The following UTRN variants were observed in gnomAD, a reference collection of about 807,000 sequenced individuals.
UTRN encodes the protein dystrophin-related protein 1.
A neutral mutation model predicts 463.9 loss-of-function variants in UTRN; 283 were observed. The ratio of observed to expected loss-of-function variants is 0.61; its 90% CI spans 0.55 to 0.67. UTRN has a LOEUF of 0.67. Among genes scored for constraint, UTRN ranks in the 30% least tolerant of loss-of-function variants. UTRN has a pLI of 0.00. For synonymous variants in UTRN, 1,442 were observed against 1,431.5 expected (o/e 1.01, Z -0.17); for missense variants, 3,922 against 4,084.3 (o/e 0.96, Z 1.08).
intron 61 of UTRN, among the ~76,000 whole-genome samples, chr6:144,787,970 A>G (rs1032474946): frequency 4.1e-4 from 62 of 152,284 alleles, no homozygotes; most frequent in African/African-American, 1.4e-3. Context: ...ATAATATCTT[A>G]TTAATTTTTG....
At chr6:144,836,178 G>A (rs2128760498) in intron 70 of UTRN, 123 bp from the exon 71 acceptor site, 5 of 1,437,296 alleles carry the variant, frequency 3.5e-6, no homozygotes, top group Non-Finnish European at 4.6e-6. Flanking sequence ...TGCTCATCCT[G>A]CTATTAATAC....
At chr6:144,684,976 T>C (rs746847395) in intron 52 of UTRN, among the ~76,000 whole-genome samples, 27 of 152,236 alleles carry the variant, frequency 1.8e-4, no homozygotes, top group Admixed American at 6.5e-5. Context: ...ACTTGAGTAC[T>C]GTACATTGTA....
intron 65 of UTRN, among the ~76,000 whole-genome samples, chr6:144,814,912 T>C (rs1778944880): frequency 6.6e-6 from 1 of 152,204 alleles, no homozygotes; most frequent in African/African-American, 2.4e-5. Context: ...GAAATTTGAA[T>C]TGGAATCATC....
At chr6:144,425,329 G>T (rs182356295) in intron 6 of UTRN, among the ~76,000 whole-genome samples, 2 of 152,088 alleles carry the variant, frequency 1.3e-5, no homozygotes, top group Admixed American at 1.3e-4. Context: ...TCTTTTTCTG[G>T]CAGTGTTAAC....
intron 2 of UTRN, among the ~76,000 whole-genome samples, chr6:144,395,878 A>G (rs1267000725): frequency 1.3e-5 from 2 of 152,158 alleles, no homozygotes; most frequent in Non-Finnish European, 2.9e-5. Flanking sequence ...AAAGGAAAAT[A>G]ACAAATATTA....
intron 69 of UTRN, among the ~76,000 whole-genome samples, chr6:144,832,910 C>T (rs1221801916): frequency 6.6e-6 from 1 of 152,068 alleles, no homozygotes; most frequent in African/African-American, 2.4e-5. Context: ...ACCTTGGCTT[C>T]CCGGGTTCAA....
At chr6:144,798,461 G>A (rs1394113590) in intron 64 of UTRN, among the ~76,000 whole-genome samples, 1 of 152,156 alleles carries the variant, frequency 6.6e-6, no homozygotes, top group Non-Finnish European at 1.5e-5. Flanking sequence ...TTCTTCCCAT[G>A]AGGAGCACTG....
At position 144,548,710 on chromosome 6, in the gene UTRN, T is replaced by G. The variant is rs1174636732; in HGVS notation, c.6666T>G (p.Thr2222=). 16 of 1,613,960 alleles carry G rather than the reference T, an allele frequency of 9.9e-6. No individual in the cohort carries two copies. Among genetic ancestry groups the G allele is most frequent in the Non-Finnish European group, 1.1e-5 (13 of 1,179,980 alleles). Residue 2222 remains threonine, a synonymous_variant, in exon 47 of 75, where the codon ACT becomes ACG. Coordinates refer to ENST00000367545, the MANE Select transcript of UTRN (RefSeq NM_007124.3). ...ATATTCCTGTTCAGTCTCATCGTAC[T>G]TCGGAAATTTCAATTCCTGCTGATC... is the stretch of plus-strand genomic sequence containing the variant. ...ASDIPVQSHR[T]SEISIPADLD...
chr6:144,446,560 T>A lies in UTRN; in HGVS notation c.1615-651T>A, dbSNP rs185016119. Among the ~76,000 whole-genome samples the A allele has an allele frequency of 3.1e-3, 473 of 152,370 alleles. 9 individuals carry two copies. The highest frequency in any genetic ancestry group is 0.023 in the Admixed American group (345 of 15,306). On this transcript the variant is annotated intron_variant, in intron 14 of 74. Coordinates refer to ENST00000367545, the MANE Select transcript of UTRN (RefSeq NM_007124.3). ...TGTAGCTACGGTTGTTTTCCATCCC[T>A]TCTTCAGGATTATCTCTCTACATGA...
rs770206219 is a variant in UTRN at position 144,521,951 on chromosome 6, A to T, written c.5542-29A>T. On this transcript the variant is annotated intron_variant, in intron 39 of 74. Coordinates refer to ENST00000367545, the MANE Select transcript of UTRN (RefSeq NM_007124.3). Reference sequence around the variant, plus strand: ...TATTTTAAGAGATATATATATATATATATATTTTTTTTTTTGCTGTTTTTG... The same window carrying T: ...TATTTTAAGAGATATATATATATATTTATATTTTTTTTTTTGCTGTTTTTG... The T allele has an allele frequency of 4.2e-3, 5,107 of 1,207,152 alleles. 95 individuals are homozygous for T. The African/African-American group carries it at 0.055, about 13-fold the overall frequency. The allele number at this position is 1,207,152 out of a possible 1,614,324, so 74.8% of individuals were successfully genotyped here. A position where few individuals can be genotyped will look rare whatever the true frequency, so the allele number is the denominator to read the frequency against.
At chr6:144,608,920 C>A (rs2128641056) in intron 51 of UTRN, among the ~76,000 whole-genome samples, 1 of 152,214 alleles carries the variant, frequency 6.6e-6, no homozygotes, top group African/African-American at 2.4e-5. Context: ...TCAAAACATA[C>A]AACCACAGAA....
chr6:144,516,603 A>G (rs1182039407), intron 38 of UTRN, among the ~76,000 whole-genome samples: 1 of 152,072 alleles, frequency 6.6e-6, no homozygotes, highest in African/African-American at 2.4e-5. Flanking sequence ...CCTTAGTATT[A>G]TCTAATGTTT....
intron 1 of UTRN, among the ~76,000 whole-genome samples, chr6:144,288,543 C>A (rs1803898404): frequency 6.6e-6 from 1 of 152,038 alleles, no homozygotes; most frequent in African/African-American, 2.4e-5. Flanking sequence ...TTCTTCTGAA[C>A]AAAGTTTTTG....
At chr6:144,299,023 A>T (rs1435459972) in intron 2 of UTRN, among the ~76,000 whole-genome samples, 1 of 152,220 alleles carries the variant, frequency 6.6e-6, no homozygotes, top group Non-Finnish European at 1.5e-5. Flanking sequence ...TTTGAGGTTG[A>T]TACTAATTGA....
At chr6:144,625,704 C>T (rs1214603996) in intron 51 of UTRN, among the ~76,000 whole-genome samples, 1 of 152,184 alleles carries the variant, frequency 6.6e-6, no homozygotes, top group Non-Finnish European at 1.5e-5. Flanking sequence ...TTCCCTAGGG[C>T]CCCTTAGTCC....
At chr6:144,700,012 G>A (rs887876024) in intron 52 of UTRN, 75 bp from the exon 53 acceptor site, 87 of 1,432,730 alleles carry the variant, frequency 6.1e-5, no homozygotes, top group Non-Finnish European at 7.8e-5. Flanking sequence ...TTATGCTAAA[G>A]GAAGGTAGAT....
intron 2 of UTRN, among the ~76,000 whole-genome samples, chr6:144,370,387 G>C (rs1213510509): frequency 6.6e-6 from 1 of 152,234 alleles, no homozygotes; most frequent in Non-Finnish European, 1.5e-5. Flanking sequence ...CCAACCCTGG[G>C]AGGCTTATGC....
At chr6:144,353,397 A>C (rs1264221412) in intron 2 of UTRN, among the ~76,000 whole-genome samples, 1 of 150,464 alleles carries the variant, frequency 6.6e-6, no homozygotes, top group East Asian at 1.9e-4. Flanking sequence ...TTTAGGCGTG[A>C]ACCAACGTGC....
chr6:144,683,236 T>A (rs1782388676), intron 52 of UTRN, among the ~76,000 whole-genome samples: 1 of 152,244 alleles, frequency 6.6e-6, no homozygotes, highest in East Asian at 1.9e-4. Context: ...AAACCATACA[T>A]GGAAGAGTAG....
Sources: allele counts gnomAD v4.1 joint callset (sites outside exome capture counted in the v4.1 genomes callset), GRCh38; gene constraint gnomAD v4.1.1; transcripts MANE v1.5; gene names NCBI Gene and HGNC (gene_info 2026-07-23, HGNC 2026-07-21).